Variants in SVEP1 observed in about 807,000 individuals in gnomAD.
SVEP1 encodes the protein sushi, von Willebrand factor type A, EGF and pentraxin domain containing 1.
A neutral mutation model predicts 367.3 loss-of-function variants in SVEP1; 164 were observed. That is an observed-to-expected ratio of 0.45 (90% CI 0.39 to 0.51). SVEP1 has a LOEUF of 0.51. Ranked by LOEUF, SVEP1 falls within the 20% of genes least tolerant of loss-of-function variation. SVEP1 has a pLI of 0.00. For missense variants in SVEP1, 4,117 were observed against 4,425.3 expected (o/e 0.93, Z 1.98); for synonymous variants, 1,666 against 1,611.6 (o/e 1.03, Z -0.81).
intron 9 of SVEP1, among the ~76,000 whole-genome samples, chr9:110,486,637 T>C (rs113629995): frequency 0.045 from 6,352 of 141,882 alleles, 175 homozygotes; most frequent in Middle Eastern, 0.1. Flanking sequence ...TTCCTTCTCT[T>C]TCTCTCTCTC....
At chr9:110,520,380 CT>C (rs1210122195) in intron 3 of SVEP1, among the ~76,000 whole-genome samples, 2 of 152,108 alleles carry the variant, frequency 1.3e-5, no homozygotes, top group South Asian at 2.1e-4. Flanking sequence ...ATTGTTTTCC[CT>C]TTTTAATATG....
chr9:110,451,496 G>A, intron 22 of SVEP1, 94 bp from the exon 23 acceptor site: 1 of 762,740 alleles, frequency 1.3e-6, no homozygotes, highest in East Asian at 2.7e-5. Context: ...TTGGAATAGG[G>A]AAATTGGAAA....
At chr9:110,431,797 AC>A in intron 32 of SVEP1, 117 bp downstream of exon 32, 1 of 1,320,002 alleles carries the variant, frequency 7.6e-7, no homozygotes, top group Non-Finnish European at 1.1e-6. Context: ...TTATCTGCCT[AC>A]CTGTATGCCC....
chr9:110,562,790 A>G (rs1350162627), intron 1 of SVEP1, among the ~76,000 whole-genome samples: 1 of 152,102 alleles, frequency 6.6e-6, no homozygotes, highest in East Asian at 1.9e-4. Flanking sequence ...CCAGGTTCAA[A>G]TGATTCTCAC....
chr9:110,527,764 T>C (rs1430928144), intron 3 of SVEP1, among the ~76,000 whole-genome samples: 2 of 151,940 alleles, frequency 1.3e-5, no homozygotes, highest in African/African-American at 4.8e-5. Context: ...TGATAAAGTC[T>C]AGGGTTTTAA....
In SVEP1 at chr9:110,579,252, T is replaced by C. The variant is rs759951787; in HGVS notation, c.292A>G (p.Asn98Asp). 4 of 1,570,870 alleles carry C rather than the reference T, an allele frequency of 2.5e-6. No individual in the cohort carries two copies. The highest frequency in any genetic ancestry group is 2.7e-5 in the African/African-American group (2 of 73,712). ...VDDSSSVGEV[N>D]FRSELMFVRK... ...ACGAACATGAGCTCGCTGCGGAAGT[T>C]GACTTCGCCCACGCTGGACGAATCA... The change falls in exon 1 of 48, where the codon AAC becomes GAC. Residue 98 changes from asparagine (N) to aspartate (D), a missense_variant. Physicochemically the swap from Asn to Asp is conservative, Grantham distance 23 (BLOSUM62 1). This residue lies in a region of SVEP1 where 161 missense variants were observed against 122.4 expected (regional missense o/e 1.32). Coordinates refer to ENST00000374469, the MANE Select transcript of SVEP1 (RefSeq NM_153366.4). The surrounding 1 kb of genome is among the most constrained non-coding windows in gnomAD (Gnocchi z 5.3).
chr9:110,397,242 C>T (rs1037300603), intron 40 of SVEP1, among the ~76,000 whole-genome samples: 55 of 151,904 alleles, frequency 3.6e-4, no homozygotes, highest in Non-Finnish European at 7.4e-4. Flanking sequence ...AAGACAAAAA[C>T]CACATGATTA....
intron 41 of SVEP1, 49 bp downstream of exon 41, chr9:110,389,475 T>C (rs1827591196): frequency 1.3e-6 from 2 of 1,597,600 alleles, no homozygotes; most frequent in East Asian, 2.2e-5. Flanking sequence ...CACTGTTATT[T>C]TGTGTCCTCA....
chr9:110,371,538 T>C (rs541000393), intron 46 of SVEP1, among the ~76,000 whole-genome samples: 4 of 152,122 alleles, frequency 2.6e-5, no homozygotes, highest in African/African-American at 4.8e-5. Flanking sequence ...GCTTATCACT[T>C]CCCTTGTATG....
At chr9:110,511,488 C>CTTTTTTTTTTTTTTTTTCTT (rs1829711581) in intron 5 of SVEP1, among the ~76,000 whole-genome samples, 1 of 77,554 alleles carries the variant, frequency 1.3e-5, no homozygotes, top group East Asian at 4.3e-4. Flanking sequence ...GTGTCAGTAC[C>CTTTTTTTTTTTTTTTTTCTT]TTTTTTTTTT....
rs189901634 is a variant in SVEP1, at chr9:110,550,964, G to T, written c.532-860C>A. Among the ~76,000 whole-genome samples the T allele has an allele frequency of 2.2e-3, 335 of 152,262 alleles. 2 individuals are homozygous for T. The highest frequency in any genetic ancestry group is 7.3e-3 in the African/African-American group (305 of 41,552). ...GTGAATCTGGCATTTAATTCAATTT[G>T]CTGTTGTTGCTTTTCACTACAGATG... On this transcript the variant is annotated intron_variant, in intron 1 of 47. Transcript: ENST00000374469.
intron 11 of SVEP1, among the ~76,000 whole-genome samples, chr9:110,481,775 C>T (rs76227168): frequency 6.6e-6 from 1 of 152,052 alleles, no homozygotes; most frequent in Non-Finnish European, 1.5e-5. Context: ...TGCAGTGGTG[C>T]TATCTCGACT....
intron 11 of SVEP1, among the ~76,000 whole-genome samples, 188 bp downstream of exon 11, chr9:110,482,173 C>T (rs1462109223): frequency 2.6e-5 from 4 of 152,250 alleles, no homozygotes; most frequent in Middle Eastern, 3.4e-3. Context: ...AAAGACTGTT[C>T]TGGGAGAAAA....
intron 36 of SVEP1, among the ~76,000 whole-genome samples, chr9:110,422,977 G>A (rs1481225117): frequency 4.9e-5 from 6 of 123,186 alleles, no homozygotes; most frequent in East Asian, 2.1e-4. Flanking sequence ...TGGTGGGGTC[G>A]GGGGAGCGGG....
chr9:110,413,389 T>G (rs1336376416), intron 36 of SVEP1, among the ~76,000 whole-genome samples: 2 of 111,462 alleles, frequency 1.8e-5, no homozygotes, highest in Middle Eastern at 5.7e-3. Context: ...TGGGGACTGT[T>G]GTGGGGTGGG....
intron 9 of SVEP1, among the ~76,000 whole-genome samples, chr9:110,484,602 T>C (rs938590447): frequency 6.6e-6 from 1 of 152,138 alleles, no homozygotes; most frequent in Non-Finnish European, 1.5e-5. Context: ...TGGGATCTAA[T>C]TAAACTAAAC....
intron 8 of SVEP1, among the ~76,000 whole-genome samples, chr9:110,493,329 G>A (rs2118733421): frequency 6.6e-6 from 1 of 152,166 alleles, no homozygotes; most frequent in South Asian, 2.1e-4. Context: ...GGGCCACACA[G>A]CCTTAAACAA....
intron 3 of SVEP1, among the ~76,000 whole-genome samples, chr9:110,545,685 T>C (rs1255067727): frequency 6.6e-6 from 1 of 152,142 alleles, no homozygotes. Flanking sequence ...GCTGTTTTAT[T>C]AGACTAATTA....
rs1830672022 is a variant in SVEP1, at chr9:110,579,741, C to T, written c.-198G>A. On this transcript the variant is annotated 5_prime_UTR_variant, in exon 1 of 48. Coordinates refer to ENST00000374469, the MANE Select transcript of SVEP1 (RefSeq NM_153366.4). The surrounding 1 kb of genome is among the most constrained non-coding windows in gnomAD (Gnocchi z 5.3). ...AGCAGCTCGGGAACTCCGGAGGGAA[C>T]GGCGCGCGCTCTCTACCCCTCTCGC... is the stretch of plus-strand genomic sequence containing the variant. The T allele has an allele frequency of 1.8e-6, 1 of 552,806 alleles. No homozygotes were observed. Among genetic ancestry groups the T allele is most frequent in the Non-Finnish European group, 3.0e-6 (1 of 336,548 alleles). 34.2% of individuals were successfully genotyped at this position (552,806 alleles called of 1,614,324 possible). A position where few individuals can be genotyped will look rare whatever the true frequency, so the allele number is the denominator to read the frequency against.
Sources: gnomAD v4.1 joint callset for allele counts (sites outside exome capture counted in the v4.1 genomes callset) on GRCh38, gnomAD v4.1.1 for gene constraint, gnomAD v4.1.1 regional missense constraint, Gnocchi (gnomAD v3.1) non-coding constraint, MANE v1.5 for transcripts, NCBI Gene and HGNC (gene_info 2026-07-23, HGNC 2026-07-21) for gene names.